The following ABL2 variants were observed in gnomAD, a reference collection of about 807,000 sequenced individuals.
ABL2 encodes ABL proto-oncogene 2, non-receptor tyrosine kinase.
Under a neutral mutation model 107.7 loss-of-function variants are expected in ABL2, and 49 were observed. The ratio of observed to expected loss-of-function variants is 0.45; its 90% confidence interval spans 0.36 to 0.58. The LOEUF is 0.58. Among genes scored for constraint, ABL2 ranks in the 20% least tolerant of loss-of-function variants. The probability of loss-of-function intolerance (pLI) is 0.00; values close to 1 mark genes in which losing one functional copy is unlikely to be tolerated. For missense variants in ABL2, 1,245 were observed against 1,457.0 expected, an observed-to-expected ratio of 0.85 and a Z score of 2.37; for synonymous variants, 549 against 548.6, an observed-to-expected ratio of 1.00 and a Z score of -0.01.
intron 1 of ABL2, among the ~76,000 whole-genome samples, chr1:179,198,576 C>T (rs1661463399): frequency 1.3e-5 from 2 of 150,590 alleles, no homozygotes; most frequent in Admixed American, 1.3e-4. Context: ...ACCTGTAATC[C>T]CAGCTACCCA....
intron 1 of ABL2, among the ~76,000 whole-genome samples, chr1:179,134,882 G>A (rs540203286): frequency 2.6e-5 from 4 of 152,338 alleles, no homozygotes; most frequent in East Asian, 3.9e-4. Flanking sequence ...GGCGCGCACC[G>A]CCACGCCTGA....
intron 1 of ABL2, among the ~76,000 whole-genome samples, chr1:179,136,452 G>C (rs1390195093): frequency 6.6e-6 from 1 of 152,140 alleles, no homozygotes; most frequent in East Asian, 1.9e-4. Context: ...CATCCACTCA[G>C]GGTTGAATGG....
rs34828452 is a variant in ABL2 at position 179,181,946 on chromosome 1, ATTTTTTTT to A, written c.157+47287_157+47294del. Among the ~76,000 whole-genome samples, 358 of 91,202 alleles carry A rather than the reference ATTTTTTTT, an allele frequency of 3.9e-3. 4 individuals are homozygous for A. The highest frequency in any genetic ancestry group is 0.014 in the African/African-American group (331 of 23,490). 59.8% of individuals were successfully genotyped at this position (91,202 alleles called of 152,430 possible). A position where few individuals can be genotyped will look rare whatever the true frequency, so the allele number is the denominator to read the frequency against. On this transcript the variant is annotated intron_variant, in intron 1 of 11. Transcript: ENST00000502732. Reference sequence around the variant, plus strand: ...TAGTCACGTGTCACCAGGCCCGGCTATTTTTTTTTTTTTTTTTTTTTTTGTATTTTTAG... The same window carrying A: ...TAGTCACGTGTCACCAGGCCCGGCTATTTTTTTTTTTTTTTGTATTTTTAG...
intron 1 of ABL2, among the ~76,000 whole-genome samples, chr1:179,198,008 T>C (rs763026831): frequency 6.6e-6 from 1 of 151,796 alleles, no homozygotes; most frequent in Non-Finnish European, 1.5e-5. Flanking sequence ...ACCATGTCTC[T>C]ACTAAAAATA....
intron 1 of ABL2, among the ~76,000 whole-genome samples, chr1:179,209,000 G>C (rs1345557619): frequency 1.3e-5 from 2 of 152,100 alleles, no homozygotes; most frequent in Non-Finnish European, 2.9e-5. Flanking sequence ...ACTAAATCTA[G>C]AAAAATGGGT....
chr1:179,178,588 C>CT (rs1660191625), intron 1 of ABL2, among the ~76,000 whole-genome samples: 1 of 151,750 alleles, frequency 6.6e-6, no homozygotes, highest in African/African-American at 2.4e-5. Flanking sequence ...AAGATCTGGA[C>CT]TTTAAAAAGT....
Position 179,174,906 on chromosome 1 carries a change from A to AT in ABL2, c.158-41533_158-41532insA, listed in dbSNP as rs1454319933. Among the ~76,000 whole-genome samples, 85 of 109,940 alleles carry AT rather than the reference A, an allele frequency of 7.7e-4. 1 individual carries two copies. Among genetic ancestry groups the AT allele is most frequent in the African/African-American group, 1.2e-3 (38 of 31,394 alleles). 72.1% of individuals were successfully genotyped at this position (109,940 alleles called of 152,430 possible). On this transcript the variant is annotated intron_variant, in intron 1 of 11. Transcript: ENST00000502732. ...CAGAGACTCTGTCTCAAAAAAAAAAAAATAAAATAAAAAAAATAATAATAA... is the reference window on the plus strand; with the variant it reads ...CAGAGACTCTGTCTCAAAAAAAAAAATAATAAAATAAAAAAAATAATAATAA...
intron 1 of ABL2, among the ~76,000 whole-genome samples, chr1:179,200,686 G>A (rs1343758222): frequency 4.6e-5 from 7 of 152,088 alleles, no homozygotes; most frequent in Non-Finnish European, 1.0e-4. Context: ...CTATTGTATT[G>A]GAAATCTTCA....
At chr1:179,229,208 C>CCCCCCCCCCCCCACA in intron 1 of ABL2, 33 bp downstream of exon 1, 11 of 1,488,038 alleles carry the variant, frequency 7.4e-6, no homozygotes, top group Non-Finnish European at 9.9e-6. Context: ...CGGCCTCCCC[C>CCCCCCCCCCCCCACA]ACGCTCTCAT....
At chr1:179,113,473 A>G (rs1014940479) in intron 9 of ABL2, among the ~76,000 whole-genome samples, 4 of 152,246 alleles carry the variant, frequency 2.6e-5, no homozygotes, top group Non-Finnish European at 4.4e-5. Flanking sequence ...TCAATGTTCA[A>G]TGAGGAAACA....
intron 1 of ABL2, among the ~76,000 whole-genome samples, chr1:179,150,927 C>T (rs1007892002): frequency 6.6e-6 from 1 of 152,180 alleles, no homozygotes; most frequent in East Asian, 1.9e-4. Flanking sequence ...AATGTTGGGG[C>T]CAGGCCTTCC....
At chr1:179,114,145 C>G (rs1053964248) in intron 9 of ABL2, among the ~76,000 whole-genome samples, 1 of 151,768 alleles carries the variant, frequency 6.6e-6, no homozygotes, top group South Asian at 2.1e-4. Context: ...ATCCCAGCAA[C>G]TTGGGAGGCT....
chr1:179,129,438 C>T (rs1421625112), intron 3 of ABL2, among the ~76,000 whole-genome samples: 2 of 152,168 alleles, frequency 1.3e-5, no homozygotes, highest in Admixed American at 1.3e-4. Context: ...AACCCCAGCA[C>T]TTTGGGAGGC....
At chr1:179,194,533 T>C (rs546844311) in intron 1 of ABL2, among the ~76,000 whole-genome samples, 9 of 152,214 alleles carry the variant, frequency 5.9e-5, no homozygotes, top group Non-Finnish European at 1.0e-4. Flanking sequence ...ATTTTTAAGG[T>C]ATCAACACAC....
intron 9 of ABL2, among the ~76,000 whole-genome samples, chr1:179,114,133 T>C (rs1572619175): frequency 1.3e-5 from 2 of 152,018 alleles, no homozygotes; most frequent in Non-Finnish European, 2.9e-5. Flanking sequence ...CAGGTGCCTG[T>C]AATCCCAGCA....
chr1:179,182,660 T>C (rs534884691), intron 1 of ABL2, among the ~76,000 whole-genome samples: 4 of 152,350 alleles, frequency 2.6e-5, no homozygotes, highest in African/African-American at 9.6e-5. Context: ...ATTTTCTTTA[T>C]CCATTTATCC....
At chr1:179,201,409 T>A (rs1661660049) in intron 1 of ABL2, 1 of 169,950 alleles carries the variant, frequency 5.9e-6, no homozygotes, top group South Asian at 1.5e-4. Context: ...GTGGATACAT[T>A]ATGGGATGAT....
At chr1:179,185,897 C>T (rs1660658985) in intron 1 of ABL2, among the ~76,000 whole-genome samples, 1 of 151,918 alleles carries the variant, frequency 6.6e-6, no homozygotes, top group Non-Finnish European at 1.5e-5. Context: ...TTTATAAGTC[C>T]TATTTTAGGA....
intron 7 of ABL2, among the ~76,000 whole-genome samples, chr1:179,118,155 A>C (rs1167596365): frequency 5.3e-5 from 8 of 151,190 alleles, no homozygotes; most frequent in Non-Finnish European, 1.0e-4. Context: ...TGTCTCAAGA[A>C]GGAAAAAAAA....
Sources: allele counts gnomAD v4.1 joint callset (sites outside exome capture counted in the v4.1 genomes callset), GRCh38; gene constraint gnomAD v4.1.1; transcripts MANE v1.5; gene names NCBI Gene and HGNC (gene_info 2026-07-23, HGNC 2026-07-21).